Variants in SDHAF3 observed in about 807,000 individuals in gnomAD.
SDHAF3 encodes succinate dehydrogenase assembly factor 3, mitochondrial.
A neutral mutation model predicts 11.5 loss-of-function variants in SDHAF3; 18 were observed. The ratio of observed to expected loss-of-function variants is 1.56; its 90% CI spans 1.08 to 2.32. The LOEUF (loss-of-function observed/expected upper bound fraction) is 2.32, where lower values mean the gene tolerates loss of function less well. Ranked by LOEUF, SDHAF3 falls within the 30% of genes most tolerant of loss-of-function variation. The pLI, the probability that SDHAF3 is intolerant of heterozygous loss-of-function variation, is 0.00. For missense variants in SDHAF3, 200 were observed against 154.4 expected, an observed-to-expected ratio of 1.30 and a Z score of -1.57; for synonymous variants, 72 against 59.3, an observed-to-expected ratio of 1.21 and a Z score of -0.99.
intron 1 of SDHAF3, chr7:97,135,393 A>G (rs1791736676): frequency 1.3e-5 from 2 of 152,026 alleles, no homozygotes; most frequent in South Asian, 2.1e-4. Context: ...TCAAATTTAG[A>G]TTCCTTTCTT....
intron 1 of SDHAF3, among the ~76,000 whole-genome samples, chr7:97,171,252 T>G (rs557446775): frequency 6.6e-6 from 1 of 152,232 alleles, no homozygotes; most frequent in Admixed American, 6.5e-5. Context: ...CTTATAATAA[T>G]TGAATAAATT....
intron 1 of SDHAF3, among the ~76,000 whole-genome samples, chr7:97,122,419 A>C (rs961975713): frequency 6.6e-6 from 1 of 152,216 alleles, no homozygotes; most frequent in Admixed American, 6.5e-5. Context: ...AACTGTTAGT[A>C]GATGGATGTA....
At chr7:97,129,112 G>C (rs1380293573) in intron 1 of SDHAF3, among the ~76,000 whole-genome samples, 1 of 151,988 alleles carries the variant, frequency 6.6e-6, no homozygotes, top group Admixed American at 6.6e-5. Flanking sequence ...GTTTTATTTT[G>C]GTCTCTTTCA....
intron 1 of SDHAF3, among the ~76,000 whole-genome samples, chr7:97,180,108 G>A (rs1325857996): frequency 6.6e-6 from 1 of 152,174 alleles, no homozygotes; most frequent in Non-Finnish European, 1.5e-5. Context: ...TAGGCTGAAT[G>A]TACTTAATAA....
intron 1 of SDHAF3, chr7:97,135,428 G>A (rs1791737578): frequency 6.6e-6 from 1 of 151,930 alleles, no homozygotes; most frequent in Non-Finnish European, 1.5e-5. Context: ...ACCTGCAAGA[G>A]GACTTCTTAA....
intron 1 of SDHAF3, among the ~76,000 whole-genome samples, chr7:97,177,583 G>A (rs375673648): frequency 6.6e-6 from 1 of 152,008 alleles, no homozygotes; most frequent in Non-Finnish European, 1.5e-5. Context: ...TTAAACTTAC[G>A]GTAGATCTTT....
chr7:97,153,037 ATGTT>A lies in SDHAF3; in HGVS notation c.175-27969_175-27966del, dbSNP rs1391055183. On this transcript the variant is annotated intron_variant, in intron 1 of 1. Transcript: ENST00000432641. ...GTGATCTAGTCTCCAAGCAAGGAGG[ATGTT>A]TGTTTTGGGGAGGGCCTGTCACTGT... is the stretch of plus-strand genomic sequence containing the variant. Among the ~76,000 whole-genome samples the A allele has an allele frequency of 1.4e-4, 21 of 152,246 alleles. No homozygotes were observed. The East Asian group carries it at 3.9e-3, about 28-fold the overall frequency.
intron 1 of SDHAF3, among the ~76,000 whole-genome samples, chr7:97,153,704 GT>G: frequency 6.6e-6 from 1 of 152,094 alleles, no homozygotes; most frequent in Admixed American, 6.5e-5. Flanking sequence ...CCTTGCCAGC[GT>G]TTTGGTGACC....
At chr7:97,173,538 A>T (rs1317668471) in intron 1 of SDHAF3, among the ~76,000 whole-genome samples, 2 of 135,680 alleles carry the variant, frequency 1.5e-5, no homozygotes, top group African/African-American at 5.6e-5. Flanking sequence ...GTCACCTCCA[A>T]AATTAGAATT....
intron 1 of SDHAF3, among the ~76,000 whole-genome samples, chr7:97,154,973 C>G (rs1789280670): frequency 6.6e-6 from 1 of 152,158 alleles, no homozygotes; most frequent in African/African-American, 2.4e-5. Context: ...TGTTTTCTTT[C>G]TATTCCATGT....
At chr7:97,165,344 A>T (rs1789484545) in intron 1 of SDHAF3, among the ~76,000 whole-genome samples, 1 of 135,560 alleles carries the variant, frequency 7.4e-6, no homozygotes, top group Admixed American at 7.8e-5. Flanking sequence ...GGTATCTCAA[A>T]GGATTTTCCT....
In SDHAF3 at chr7:97,117,777, G is replaced by C; in HGVS notation, c.54G>C (p.Gln18His). ...RVRALYKRVL[Q>H]LHRVLPPDLK... The stretch of plus-strand genomic sequence containing the variant: ...GGGCATTGTACAAGCGCGTCTTGCA[G>C]CTGCACCGTGTTCTGCCCCCGGACC... The change falls in exon 1 of 2, where the codon CAG (glutamine) becomes CAC (histidine). Residue 18 changes from glutamine to histidine, a missense_variant. Transcript: ENST00000432641. 1.2e-6 allele frequency: 2 copies of C among 1,614,184 alleles called. No homozygotes were observed. Among genetic ancestry groups the C allele is most frequent in the Non-Finnish European group, 1.7e-6 (2 of 1,180,038 alleles).
At chr7:97,132,177 A>G (rs1243281435) in intron 1 of SDHAF3, among the ~76,000 whole-genome samples, 4 of 152,188 alleles carry the variant, frequency 2.6e-5, no homozygotes, top group African/African-American at 9.6e-5. Flanking sequence ...GACTTGAGGC[A>G]GACATGCTCA....
chr7:97,138,891 C>T (rs1250227279), intron 1 of SDHAF3, among the ~76,000 whole-genome samples: 1 of 152,230 alleles, frequency 6.6e-6, no homozygotes, highest in Non-Finnish European at 1.5e-5. Flanking sequence ...CAGGAGGCGC[C>T]TACCCACTAG....
intron 1 of SDHAF3, among the ~76,000 whole-genome samples, chr7:97,159,735 T>C (rs1789370111): frequency 6.6e-6 from 1 of 151,712 alleles, no homozygotes; most frequent in Non-Finnish European, 1.5e-5. Flanking sequence ...TAGATAAGAG[T>C]GAGTTAAAAA....
chr7:97,142,125 C>T (rs954398123), intron 1 of SDHAF3, among the ~76,000 whole-genome samples: 2 of 128,658 alleles, frequency 1.6e-5, no homozygotes, highest in Admixed American at 1.0e-4. Context: ...GTGATCGTGG[C>T]TCACTCCAAC....
chr7:97,136,676 CTT>C (rs995959737), intron 1 of SDHAF3, among the ~76,000 whole-genome samples: 1 of 152,080 alleles, frequency 6.6e-6, no homozygotes, highest in African/African-American at 2.4e-5. Context: ...GTTTTTTTCT[CTT>C]TTAAAAGCAT....
chr7:97,143,010 C>T (rs528538005), intron 1 of SDHAF3, among the ~76,000 whole-genome samples: 2 of 151,194 alleles, frequency 1.3e-5, no homozygotes, highest in South Asian at 4.2e-4. Context: ...AGCGATTCTC[C>T]CGCCTCAACC....
intron 1 of SDHAF3, among the ~76,000 whole-genome samples, chr7:97,140,942 C>T (rs1326674845): frequency 6.6e-6 from 1 of 152,220 alleles, no homozygotes; most frequent in African/African-American, 2.4e-5. Flanking sequence ...TATTTCTCTT[C>T]TTTCAAAAGC....
Sources: gnomAD v4.1 joint callset for allele counts (sites outside exome capture counted in the v4.1 genomes callset) on GRCh38, gnomAD v4.1.1 for gene constraint, MANE v1.5 for transcripts, NCBI Gene and HGNC (gene_info 2026-07-23, HGNC 2026-07-21) for gene names.